CCDC88A: variants seen among roughly 807,000 people sequenced by gnomAD.
CCDC88A encodes girdin.
In CCDC88A, 54 loss-of-function variants were observed where a neutral mutation model predicts 234.3. The observed-to-expected ratio is 0.23, with a 90% CI of 0.19 to 0.29. The LOEUF is 0.29. Ranked by LOEUF, CCDC88A falls within the 10% of genes least tolerant of loss-of-function variation. The pLI, the probability that CCDC88A is intolerant of heterozygous loss-of-function variation, is 1.00. For synonymous variants in CCDC88A, 753 were observed against 737.8 expected (o/e 1.02, Z -0.33); for missense variants, 1,832 against 2,123.4 (o/e 0.86, Z 2.70).
chr2:55,366,402 C>A (rs1462949445), intron 5 of CCDC88A, among the ~76,000 whole-genome samples: 1 of 151,980 alleles, frequency 6.6e-6, no homozygotes, highest in Non-Finnish European at 1.5e-5. Flanking sequence ...TGGCAGGCGC[C>A]TGTAATCCCA....
rs916142852 is a variant in CCDC88A, at chr2:55,288,143, A to G, written c.*3057T>C. The G allele has an allele frequency of 6.6e-6, 1 of 152,658 alleles. No homozygotes were observed. Among genetic ancestry groups the G allele is most frequent in the East Asian group, 1.9e-4 (1 of 5,206 alleles). 9.5% of individuals were successfully genotyped at this position (152,658 alleles called of 1,614,324 possible). A position where few individuals can be genotyped will look rare whatever the true frequency, so the allele number is the denominator to read the frequency against. ...TATAAGTACAATGGTAGACACTGAA[A>G]AAGAAAACCCTTAATAGAAAAGAAA... On this transcript the variant is annotated 3_prime_UTR_variant, in exon 33 of 33. Coordinates refer to ENST00000436346, the MANE Select transcript of CCDC88A (RefSeq NM_001365480.1).
chr2:55,366,845 A>G (rs1457845361), intron 5 of CCDC88A, among the ~76,000 whole-genome samples: 1 of 152,170 alleles, frequency 6.6e-6, no homozygotes, highest in East Asian at 1.9e-4. Flanking sequence ...ATAATAAGAC[A>G]AGGAACACAT....
intron 2 of CCDC88A, among the ~76,000 whole-genome samples, chr2:55,414,304 T>C (rs1680990824): frequency 6.6e-6 from 1 of 152,196 alleles, no homozygotes; most frequent in Admixed American, 6.5e-5. Flanking sequence ...GCAAGTAATA[T>C]TCAAAACTGG....
At chr2:55,373,252 C>G (rs1404340797) in intron 4 of CCDC88A, among the ~76,000 whole-genome samples, 1 of 152,164 alleles carries the variant, frequency 6.6e-6, no homozygotes, top group African/African-American at 2.4e-5. Context: ...AAACAACCTA[C>G]TTTCTAGCTA....
At chr2:55,294,657 G>A (rs1397411345) in intron 31 of CCDC88A, 2 of 992,152 alleles carry the variant, frequency 2.0e-6, no homozygotes, top group South Asian at 4.6e-5. Context: ...GGGAAGAGGA[G>A]GAAGGGAGGG....
chr2:55,333,417 T>A (rs182737513), intron 15 of CCDC88A, among the ~76,000 whole-genome samples: 139 of 152,304 alleles, frequency 9.1e-4, no homozygotes, highest in Admixed American at 3.1e-3. Context: ...ATACATAGAT[T>A]CAAGCAAATA....
At chr2:55,386,004 A>T (rs1675547182) in intron 3 of CCDC88A, among the ~76,000 whole-genome samples, 1 of 150,596 alleles carries the variant, frequency 6.6e-6, no homozygotes, top group African/African-American at 2.4e-5. Context: ...CAGGCGGATT[A>T]CCTGAGGTCA....
intron 15 of CCDC88A, among the ~76,000 whole-genome samples, chr2:55,333,014 A>C (rs1306397100): frequency 6.6e-6 from 1 of 152,210 alleles, no homozygotes; most frequent in Non-Finnish European, 1.5e-5. Context: ...ACTTTAGTGC[A>C]CATTTCTTCT....
chr2:55,395,056 G>A (rs1419192829), intron 2 of CCDC88A, among the ~76,000 whole-genome samples: 1 of 152,054 alleles, frequency 6.6e-6, no homozygotes, highest in African/African-American at 2.4e-5. Flanking sequence ...ATGTTGGCCA[G>A]GCTGGTCTCA....
intron 3 of CCDC88A, among the ~76,000 whole-genome samples, chr2:55,385,080 G>A (rs1219753730): frequency 6.6e-6 from 1 of 151,942 alleles, no homozygotes; most frequent in Non-Finnish European, 1.5e-5. Flanking sequence ...CCCAAAAAAT[G>A]AGTTCACAAT....
chr2:55,413,048 AT>A (rs1388723226), intron 2 of CCDC88A, among the ~76,000 whole-genome samples: 1 of 152,152 alleles, frequency 6.6e-6, no homozygotes, highest in East Asian at 1.9e-4. Flanking sequence ...TATAAAAAAA[AT>A]TTTAAAAAAT....
At chr2:55,295,036 A>G (rs770697896) in intron 31 of CCDC88A, 3 of 1,234,196 alleles carry the variant, frequency 2.4e-6, no homozygotes, top group Non-Finnish European at 3.1e-6. Context: ...ATCAAATAAC[A>G]TCAATATATT....
chr2:55,371,823 G>T (rs746773077), intron 5 of CCDC88A, among the ~76,000 whole-genome samples: 1 of 151,904 alleles, frequency 6.6e-6, no homozygotes, highest in African/African-American at 2.4e-5. Context: ...TTTGACTTTC[G>T]CAAGTGTCCC....
intron 31 of CCDC88A, chr2:55,293,839 A>C (rs1679721359): frequency 6.6e-6 from 1 of 151,672 alleles, no homozygotes; most frequent in Non-Finnish European, 1.5e-5. Context: ...AAATTTAGCT[A>C]ATTTGCTTTA....
At chr2:55,348,630 A>T (rs1669492591) in intron 9 of CCDC88A, 1 of 152,212 alleles carries the variant, frequency 6.6e-6, no homozygotes, top group African/African-American at 2.4e-5. Context: ...ATACCAATAG[A>T]TATAATCCAC....
chr2:55,296,735 C>T, intron 29 of CCDC88A: 1 of 571,126 alleles, frequency 1.8e-6, no homozygotes, highest in East Asian at 3.0e-5. Flanking sequence ...AAACTGACAA[C>T]TATTGTAAGC....
intron 9 of CCDC88A, among the ~76,000 whole-genome samples, chr2:55,347,236 A>G (rs903362003): frequency 6.6e-6 from 1 of 152,200 alleles, no homozygotes; most frequent in Non-Finnish European, 1.5e-5. Context: ...CCAACCTTTT[A>G]AAAGCCTTAT....
chr2:55,350,928 C>T (rs189113253), intron 8 of CCDC88A, among the ~76,000 whole-genome samples: 10 of 152,040 alleles, frequency 6.6e-5, no homozygotes, highest in Admixed American at 2.6e-4. Flanking sequence ...CTGGGATTAC[C>T]GGCATGAGCC....
intron 17 of CCDC88A, chr2:55,323,269 A>G (rs1266817395): frequency 6.6e-6 from 1 of 152,196 alleles, no homozygotes; most frequent in African/African-American, 2.4e-5. Flanking sequence ...CTTATCTTGA[A>G]TTATTAAACT....
Sources: gnomAD v4.1 joint callset for allele counts (sites outside exome capture counted in the v4.1 genomes callset) on GRCh38, gnomAD v4.1.1 for gene constraint, MANE v1.5 for transcripts, NCBI Gene and HGNC (gene_info 2026-07-23, HGNC 2026-07-21) for gene names.